Variants in OR6C1 observed in about 807,000 individuals in gnomAD.
The protein encoded by OR6C1 is olfactory receptor family 6 subfamily C member 1.
For synonymous variants in OR6C1, 157 were observed against 133.3 expected (o/e 1.18, Z -1.22); for missense variants, 386 against 366.1 (o/e 1.05, Z -0.44).
At chr12:55,318,462 A>G (rs1287694616) in intron 1 of OR6C1, among the ~76,000 whole-genome samples, 3 of 151,858 alleles carry the variant, frequency 2.0e-5, no homozygotes, top group African/African-American at 7.3e-5. Flanking sequence ...ATTACTATTT[A>G]TTTAAGTCAT....
At chr12:55,320,532 C>T (rs992268249) in intron 1 of OR6C1, 35 bp from the exon 2 acceptor site, 3 of 916,104 alleles carry the variant, frequency 3.3e-6, no homozygotes, top group East Asian at 4.8e-5. Context: ...TAATTGATAA[C>T]TCTTCAAGTT....
Position 55,321,835 on chromosome 12 carries a change from G to T in OR6C1, c.*297G>T, listed in dbSNP as rs1245252040. On this transcript the variant is annotated 3_prime_UTR_variant, in exon 2 of 2. Transcript: ENST00000642104. The stretch of plus-strand genomic sequence containing the variant: ...AATAAAATTATACCTAGATACATTG[G>T]AATGGCTTTATAAATATCAATATGA... 4.6e-6 allele frequency: 1 copy of T among 215,646 alleles called. No homozygotes were observed. 13.4% of individuals were successfully genotyped at this position (215,646 alleles called of 1,614,324 possible).
intron 1 of OR6C1, among the ~76,000 whole-genome samples, chr12:55,316,030 C>G (rs1868403054): frequency 6.6e-6 from 1 of 150,906 alleles, no homozygotes; most frequent in Non-Finnish European, 1.5e-5. Context: ...ACTAGATTTT[C>G]AAAGTATTTG....
chr12:55,317,064 A>C (rs1467029346), intron 1 of OR6C1, among the ~76,000 whole-genome samples: 1 of 151,986 alleles, frequency 6.6e-6, no homozygotes, highest in Admixed American at 6.6e-5. Flanking sequence ...GGTGAATAAT[A>C]CAGTGCATTG....
intron 1 of OR6C1, among the ~76,000 whole-genome samples, chr12:55,320,094 TTG>T (rs1868500819): frequency 6.6e-6 from 1 of 152,018 alleles, no homozygotes; most frequent in Non-Finnish European, 1.5e-5. Context: ...TGAGCCAAGA[TTG>T]CACCAGTGCA....
rs757334431 is a variant in OR6C1, at chr12:55,321,006, G to A, written c.407G>A (p.Arg136Gln). ...KPLHCLSIMN[R>Q]RVCTLLVFTS... ...CTGCATTGCTTGAGTATCATGAATC[G>A]AAGAGTCTGCACACTGCTTGTTTTT... is the stretch of plus-strand genomic sequence containing the variant. The change falls in exon 2 of 2, where the codon CGA becomes CAA. Residue 136 changes from arginine (R) to glutamine (Q), a missense_variant. By Grantham distance (43) the Arg-to-Gln change is conservative. Coordinates refer to ENST00000642104, the MANE Select transcript of OR6C1 (RefSeq NM_001005182.2). 1.5e-5 allele frequency: 24 copies of A among 1,613,584 alleles called. No individual in the cohort carries two copies. The highest frequency in any genetic ancestry group is 6.7e-5 in the Admixed American group (4 of 59,948).
In OR6C1 at chr12:55,320,610, A is replaced by G; in HGVS notation, c.11A>G (p.His4Arg). The change falls in exon 2 of 2, where the codon CAT becomes CGT. Residue 4 changes from histidine (H) to arginine (R), a missense_variant. Coordinates refer to ENST00000642104, the MANE Select transcript of OR6C1 (RefSeq NM_001005182.2). ...GAAAGCAACTGAAGAATGAGAAACC[A>G]TACAGAAATAACAGAGTTTATTCTT... MRNHTEITEFILLG... is the reference protein window; with the variant it reads MRNRTEITEFILLG... The G allele has an allele frequency of 1.9e-6, 3 of 1,570,378 alleles. No individual in the cohort carries two copies. Among genetic ancestry groups the G allele is most frequent in the Non-Finnish European group, 2.6e-6 (3 of 1,153,352 alleles).
At chr12:55,319,339 C>T (rs938292282) in intron 1 of OR6C1, among the ~76,000 whole-genome samples, 6 of 152,034 alleles carry the variant, frequency 3.9e-5, no homozygotes, top group African/African-American at 7.3e-5. Flanking sequence ...AAAAGTTGAT[C>T]GATGGCATTA....
At chr12:55,318,826 A>C (rs1185750331) in intron 1 of OR6C1, among the ~76,000 whole-genome samples, 2 of 151,556 alleles carry the variant, frequency 1.3e-5, no homozygotes, top group Admixed American at 1.3e-4. Flanking sequence ...ACTGAGACAC[A>C]GAAGTGTTAA....
At position 55,320,733 on chromosome 12, in the gene OR6C1, C is replaced by G. The variant is rs762542178; in HGVS notation, c.134C>G (p.Thr45Arg). 7 of 1,614,060 alleles carry G rather than the reference C, an allele frequency of 4.3e-6. No individual in the cohort carries two copies. In the South Asian group the frequency reaches 5.5e-5, roughly 13 times the overall value. Residue 45 changes from threonine (T) to arginine (R), a missense_variant, in exon 2 of 2, where the codon ACA becomes AGA. Transcript: ENST00000642104. ...LSITGNLTLITITLLDSHLQT... is the reference protein window; with the variant it reads ...LSITGNLTLIRITLLDSHLQT... ...ATCACTGGGAACCTGACCCTTATCA[C>G]AATTACCCTGCTGGATTCCCACCTG... is the stretch of plus-strand genomic sequence containing the variant.
chr12:55,320,678 GT>G lies in OR6C1; in HGVS notation c.80del (p.Val27AlafsTer15). 1 of 1,613,786 alleles carries G rather than the reference GT, an allele frequency of 6.2e-7. No individual in the cohort carries two copies. The highest frequency in any genetic ancestry group is 8.5e-7 in the Non-Finnish European group (1 of 1,179,722). On this transcript the variant is annotated frameshift_variant, in exon 2 of 2. Transcript: ENST00000642104. LOFTEE classifies it low-confidence loss of function (END_TRUNC). Reference sequence around the variant, plus strand: ...CCCAAATTTTCAGGTTGTAATCTTTGTCTTCCTGCTCATCACCTACATGCTC... The same window carrying G: ...CCCAAATTTTCAGGTTGTAATCTTTGCTTCCTGCTCATCACCTACATGCTC... ...DDPNFQVVIF[V>X]FLLITYMLSI... is the part of the protein sequence containing the mutation.
intron 1 of OR6C1, among the ~76,000 whole-genome samples, chr12:55,317,912 G>A (rs1868437430): frequency 6.9e-6 from 1 of 145,372 alleles, no homozygotes; most frequent in Admixed American, 7.0e-5. Context: ...TACCCACAAT[G>A]CTAATATATA....
Position 55,320,915 on chromosome 12 carries a change from G to A in OR6C1, c.316G>A (p.Gly106Arg). The A allele has an allele frequency of 1.2e-6, 2 of 1,613,868 alleles. No individual in the cohort carries two copies. The highest frequency in any genetic ancestry group is 1.7e-6 in the Non-Finnish European group (2 of 1,179,908). ...IVQLFFFILLGVTEFYLLAAM... is the reference protein window; with the variant it reads ...IVQLFFFILLRVTEFYLLAAM... ...TCAGTTATTTTTCTTCATTCTCTTG[G>A]GAGTCACAGAGTTTTACCTTCTGGC... Residue 106 changes from glycine (G) to arginine (R), a missense_variant, in exon 2 of 2, where the codon GGA becomes AGA. By Grantham distance (125) the Gly-to-Arg change is moderately radical (BLOSUM62 -2). Transcript: ENST00000642104.
intron 1 of OR6C1, among the ~76,000 whole-genome samples, 165 bp downstream of exon 1, chr12:55,314,764 A>C (rs992402285): frequency 5.3e-5 from 8 of 151,678 alleles, no homozygotes; most frequent in Admixed American, 2.0e-4. Context: ...CAGTTTATTC[A>C]TTCTCTAATA....
Position 55,321,407 on chromosome 12 carries a change from A to G in OR6C1, c.808A>G (p.Lys270Glu), listed in dbSNP as rs777955783. ...PSAKDRVSLS[K>E]GVAILNTSVA... ...AGCAAAAGATAGAGTGTCCTTGAGC[A>G]AGGGAGTGGCAATACTAAACACCTC... Residue 270 changes from lysine to glutamate, a missense_variant, in exon 2 of 2, where the codon AAG becomes GAG. By Grantham distance (56) the Lys-to-Glu change is moderately conservative (BLOSUM62 1). Coordinates refer to ENST00000642104, the MANE Select transcript of OR6C1 (RefSeq NM_001005182.2). 6.2e-7 allele frequency: 1 copy of G among 1,613,966 alleles called. No homozygotes were observed. Among genetic ancestry groups the G allele is most frequent in the Non-Finnish European group, 8.5e-7 (1 of 1,179,904 alleles).
chr12:55,317,036 C>T (rs1367608907), intron 1 of OR6C1, among the ~76,000 whole-genome samples: 1 of 151,656 alleles, frequency 6.6e-6, no homozygotes, highest in Non-Finnish European at 1.5e-5. Flanking sequence ...AACAGATTTA[C>T]AAAAAAAGTT....
intron 1 of OR6C1, among the ~76,000 whole-genome samples, chr12:55,315,549 G>A (rs1312792124): frequency 6.6e-6 from 1 of 151,660 alleles, no homozygotes; most frequent in Non-Finnish European, 1.5e-5. Context: ...ATACACACTT[G>A]TATGAAGGTT....
At chr12:55,314,875 C>T (rs1868385198) in intron 1 of OR6C1, among the ~76,000 whole-genome samples, 1 of 151,584 alleles carries the variant, frequency 6.6e-6, no homozygotes, top group South Asian at 2.1e-4. Context: ...CTGAATTATA[C>T]TTAATGTTTG....
intron 1 of OR6C1, among the ~76,000 whole-genome samples, chr12:55,318,264 G>GTGT (rs1555172683): frequency 1.2e-4 from 16 of 132,896 alleles, no homozygotes; most frequent in African/African-American, 5.0e-4. Flanking sequence ...GTGTGTGTGT[G>GTGT]GTGGTGGTGG....
Sources: gnomAD v4.1 joint callset for allele counts (sites outside exome capture counted in the v4.1 genomes callset) on GRCh38, gnomAD v4.1.1 for gene constraint, MANE v1.5 for transcripts, NCBI Gene and HGNC (gene_info 2026-07-23, HGNC 2026-07-21) for gene names.